MEOX2: variants seen among roughly 807,000 people sequenced by gnomAD.
The protein encoded by MEOX2 is homeobox protein MOX-2.
In MEOX2, 11 loss-of-function variants were observed where a neutral mutation model predicts 27.0. The ratio of observed to expected loss-of-function variants is 0.41; its 90% CI spans 0.26 to 0.68. The LOEUF (loss-of-function observed/expected upper bound fraction) is 0.68. Among genes scored for constraint, MEOX2 ranks in the 30% least tolerant of loss-of-function variants. The probability of loss-of-function intolerance (pLI) is 0.33; values close to 1 mark genes in which losing one functional copy is unlikely to be tolerated. For missense variants in MEOX2, 436 were observed against 385.4 expected (o/e 1.13, Z -1.10); for synonymous variants, 189 against 155.4 (o/e 1.22, Z -1.61).
At chr7:15,638,812 G>C (rs1310420599) in intron 1 of MEOX2, among the ~76,000 whole-genome samples, 1 of 152,054 alleles carries the variant, frequency 6.6e-6, no homozygotes, top group Non-Finnish European at 1.5e-5. Context: ...GACAGGATTT[G>C]ATACCTTTTT....
chr7:15,658,486 G>T (rs1781860327), intron 1 of MEOX2, among the ~76,000 whole-genome samples: 1 of 152,144 alleles, frequency 6.6e-6, no homozygotes, highest in Non-Finnish European at 1.5e-5. Flanking sequence ...TGTATATATT[G>T]GTGTGTTGGA....
Position 15,635,642 on chromosome 7 carries a change from GA to G in MEOX2, c.518-8725del, listed in dbSNP as rs542857440. On this transcript the variant is annotated intron_variant, in intron 1 of 2. Coordinates refer to ENST00000262041, the MANE Select transcript of MEOX2 (RefSeq NM_005924.5). ...CTTAGCAATTGAAAATTATGCATTTGATAAAATCATGTGTTATAATTAGTTT... is the reference window on the plus strand; with the variant it reads ...CTTAGCAATTGAAAATTATGCATTTGTAAAATCATGTGTTATAATTAGTTT... Among the ~76,000 whole-genome samples the G allele has an allele frequency of 2.0e-4, 30 of 152,042 alleles. No individual in the cohort carries two copies. The South Asian group carries it at 6.2e-3, about 32-fold the overall frequency.
intron 1 of MEOX2, among the ~76,000 whole-genome samples, chr7:15,642,767 T>C (rs1438412041): frequency 1.3e-5 from 2 of 152,192 alleles, no homozygotes; most frequent in African/African-American, 4.8e-5. Context: ...TTACTTTCAT[T>C]TGAGTGGAGG....
chr7:15,669,238 T>C (rs911391599), intron 1 of MEOX2, among the ~76,000 whole-genome samples: 4 of 152,242 alleles, frequency 2.6e-5, no homozygotes, highest in African/African-American at 9.6e-5. Context: ...TACTACAAAT[T>C]GTATTTGGTC....
At chr7:15,659,872 T>C (rs544218504) in intron 1 of MEOX2, among the ~76,000 whole-genome samples, 1 of 152,300 alleles carries the variant, frequency 6.6e-6, no homozygotes, top group African/African-American at 2.4e-5. Flanking sequence ...ATTTATTTTA[T>C]TCTTTTATCA....
At chr7:15,641,028 C>T (rs945769539) in intron 1 of MEOX2, among the ~76,000 whole-genome samples, 82 of 151,998 alleles carry the variant, frequency 5.4e-4, no homozygotes, top group African/African-American at 1.8e-3. Context: ...ATTTTGATAT[C>T]GTGGTAGGAT....
chr7:15,663,086 A>T (rs1781942854), intron 1 of MEOX2, among the ~76,000 whole-genome samples: 1 of 152,216 alleles, frequency 6.6e-6, no homozygotes, highest in African/African-American at 2.4e-5. Context: ...TATTCTACAG[A>T]TAGAACACTA....
At position 15,626,388 on chromosome 7, in the gene MEOX2, T is replaced by C. The variant is rs1583746648; in HGVS notation, c.690+358A>G. 2.0e-5 allele frequency among the ~76,000 whole-genome samples: 3 copies of C among 152,022 alleles called. No homozygotes were observed. In the East Asian group the frequency reaches 5.8e-4, roughly 29 times the overall value. On this transcript the variant is annotated intron_variant, in intron 2 of 2. Coordinates refer to ENST00000262041, the MANE Select transcript of MEOX2 (RefSeq NM_005924.5). Reference sequence around the variant, plus strand: ...TCCTGAGCAATACAGAAAACTAATCTGGGTTTACCAACTTTCTAATATGCC... The same window carrying C: ...TCCTGAGCAATACAGAAAACTAATCCGGGTTTACCAACTTTCTAATATGCC...
At position 15,612,143 on chromosome 7, in the gene MEOX2, C is replaced by G. The variant is rs1781042794; in HGVS notation, c.*244G>C. 1 of 547,966 alleles carries G rather than the reference C, an allele frequency of 1.8e-6. No homozygotes were observed. The allele number at this position is 547,966 out of a possible 1,614,324, so 33.9% of individuals were successfully genotyped here. ...ACACATACCTGCTCACTGCCATACG[C>G]ACGACCAAACACATCTGGAATATTC... On this transcript the variant is annotated 3_prime_UTR_variant, in exon 3 of 3. Transcript: ENST00000262041.
chr7:15,622,049 G>A (rs551256044), intron 2 of MEOX2, among the ~76,000 whole-genome samples: 4 of 152,204 alleles, frequency 2.6e-5, no homozygotes, highest in South Asian at 2.1e-4. Flanking sequence ...CCCAGGAGGC[G>A]GAGGTTGCAG....
chr7:15,652,267 C>T (rs1781743667), intron 1 of MEOX2, among the ~76,000 whole-genome samples: 1 of 151,974 alleles, frequency 6.6e-6, no homozygotes. Flanking sequence ...CTCTTTAGAA[C>T]CCTGTCATAA....
chr7:15,622,845 C>T (rs765692035), intron 2 of MEOX2, among the ~76,000 whole-genome samples: 7 of 151,994 alleles, frequency 4.6e-5, no homozygotes, highest in Non-Finnish European at 8.8e-5. Flanking sequence ...GAGATTAGGT[C>T]GTAAGAACAG....
Position 15,611,437 on chromosome 7 carries a change from A to T in MEOX2, c.*950T>A, listed in dbSNP as rs1429483533. ...AATGTTTTCTTGTTAATTAAATCATATTCATACAGCTAATATTTTACAGAA... is the reference window on the plus strand; with the variant it reads ...AATGTTTTCTTGTTAATTAAATCATTTTCATACAGCTAATATTTTACAGAA... On this transcript the variant is annotated 3_prime_UTR_variant, in exon 3 of 3. Coordinates refer to ENST00000262041, the MANE Select transcript of MEOX2 (RefSeq NM_005924.5). 1 of 152,676 alleles carries T rather than the reference A, an allele frequency of 6.5e-6. No homozygotes were observed. Among genetic ancestry groups the T allele is most frequent in the Admixed American group, 6.5e-5 (1 of 15,286 alleles). 9.5% of individuals were successfully genotyped at this position (152,676 alleles called of 1,614,324 possible).
intron 2 of MEOX2, among the ~76,000 whole-genome samples, chr7:15,615,264 A>T (rs1411311314): frequency 6.6e-6 from 1 of 152,108 alleles, no homozygotes; most frequent in Admixed American, 6.5e-5. Flanking sequence ...GTAAAGGTTA[A>T]GTGACTTACC....
At chr7:15,679,137 T>C (rs1467683587) in intron 1 of MEOX2, 2 of 152,134 alleles carry the variant, frequency 1.3e-5, no homozygotes, top group Non-Finnish European at 1.5e-5. Context: ...CTAATTCAGA[T>C]TTACTATTAT....
intron 1 of MEOX2, among the ~76,000 whole-genome samples, chr7:15,628,411 A>C (rs749018256): frequency 6.6e-6 from 1 of 152,104 alleles, no homozygotes; most frequent in Non-Finnish European, 1.5e-5. Context: ...ACCTTGGCAC[A>C]CTGACCATTA....
chr7:15,645,706 T>A (rs1330614480), intron 1 of MEOX2, among the ~76,000 whole-genome samples: 2 of 152,184 alleles, frequency 1.3e-5, no homozygotes, highest in African/African-American at 4.8e-5. Context: ...GTATCTTGGC[T>A]GTCATGCTAT....
intron 1 of MEOX2, among the ~76,000 whole-genome samples, chr7:15,660,000 T>A (rs1781886101): frequency 6.6e-6 from 1 of 152,154 alleles, no homozygotes; most frequent in Non-Finnish European, 1.5e-5. Context: ...GCAAAGTGAC[T>A]TATTCAAAAA....
intron 1 of MEOX2, among the ~76,000 whole-genome samples, chr7:15,649,129 A>G (rs1781693934): frequency 6.6e-6 from 1 of 152,074 alleles, no homozygotes; most frequent in Non-Finnish European, 1.5e-5. Context: ...GCATATGCTG[A>G]TCTTTTCTAT....
Sources: allele counts gnomAD v4.1 joint callset (sites outside exome capture counted in the v4.1 genomes callset), GRCh38; gene constraint gnomAD v4.1.1; transcripts MANE v1.5; gene names NCBI Gene and HGNC (gene_info 2026-07-23, HGNC 2026-07-21).